The following SKA2 variants were observed in gnomAD, a reference collection of about 807,000 sequenced individuals.
The protein encoded by SKA2 is spindle and kinetochore associated complex subunit 2, also known as spindle and kinetochore-associated protein 2.
In SKA2, 13 loss-of-function variants were observed where a neutral mutation model predicts 16.9. The observed-to-expected ratio is 0.77, with a 90% CI of 0.50 to 1.22. The LOEUF is 1.22. Ranked by LOEUF, SKA2 falls within the 50% of genes most tolerant of loss-of-function variation. The pLI is 0.00. For missense variants in SKA2, 107 were observed against 139.7 expected (o/e 0.77, Z 1.18); for synonymous variants, 47 against 48.5 (o/e 0.97, Z 0.13).
intron 2 of SKA2, among the ~76,000 whole-genome samples, chr17:59,129,020 A>C (rs953217568): frequency 3.9e-5 from 6 of 152,206 alleles, no homozygotes; most frequent in Non-Finnish European, 1.5e-5. Flanking sequence ...AAATGGGAGC[A>C]CTACACGTCA....
intron 2 of SKA2, among the ~76,000 whole-genome samples, chr17:59,123,683 G>T (rs2046352755): frequency 6.6e-6 from 1 of 152,046 alleles, no homozygotes; most frequent in Non-Finnish European, 1.5e-5. Flanking sequence ...CAAGTAGCTG[G>T]GACTACAAGT....
At chr17:59,132,547 C>G (rs1237992559) in intron 1 of SKA2, among the ~76,000 whole-genome samples, 1 of 152,108 alleles carries the variant, frequency 6.6e-6, no homozygotes. Flanking sequence ...GCCTGTGGTC[C>G]CAGCTATTTG....
intron 2 of SKA2, among the ~76,000 whole-genome samples, chr17:59,124,000 A>G (rs529938028): frequency 6.6e-6 from 1 of 152,306 alleles, no homozygotes; most frequent in Non-Finnish European, 1.5e-5. Flanking sequence ...AAGGAAAACT[A>G]TTTAGAAATA....
chr17:59,124,866 T>C (rs1205180961), intron 2 of SKA2, among the ~76,000 whole-genome samples: 1 of 152,188 alleles, frequency 6.6e-6, no homozygotes, highest in African/African-American at 2.4e-5. Context: ...GGCCTGTTTA[T>C]GACAGGTTAG....
At position 59,119,917 on chromosome 17, in the gene SKA2, T is replaced by C. The variant is rs185593527; in HGVS notation, c.121-422A>G. ...TTGAAACTACTTATAAAAATCTTTT[T>C]TTTTTTTTTGAGATGGAGTCTCACT... On this transcript the variant is annotated intron_variant, in intron 2 of 3. Coordinates refer to ENST00000330137, the MANE Select transcript of SKA2 (RefSeq NM_182620.4). Among the ~76,000 whole-genome samples, 207 of 152,138 alleles carry C rather than the reference T, an allele frequency of 1.4e-3. 1 individual carries two copies. The highest frequency in any genetic ancestry group is 2.6e-3 in the Non-Finnish European group (180 of 67,970).
intron 3 of SKA2, among the ~76,000 whole-genome samples, chr17:59,116,654 T>C (rs1239492338): frequency 2.0e-5 from 3 of 152,084 alleles, no homozygotes; most frequent in East Asian, 1.9e-4. Context: ...TGAACAGATA[T>C]ACATTCTGTT....
At chr17:59,143,103 T>C (rs1484880452) in intron 1 of SKA2, among the ~76,000 whole-genome samples, 2 of 152,066 alleles carry the variant, frequency 1.3e-5, no homozygotes, top group African/African-American at 2.4e-5. Flanking sequence ...GTCTCTCTTA[T>C]TTATGGTATC....
intron 3 of SKA2, among the ~76,000 whole-genome samples, chr17:59,117,347 C>T (rs1296882007): frequency 6.6e-6 from 1 of 152,032 alleles, no homozygotes; most frequent in Non-Finnish European, 1.5e-5. Flanking sequence ...GATTAAGTTT[C>T]ATATCTGTAT....
Position 59,112,163 on chromosome 17 carries a change from A to C in SKA2, c.*114T>G. 1.3e-6 allele frequency: 1 copy of C among 766,786 alleles called. No homozygotes were observed. Among genetic ancestry groups the C allele is most frequent in the East Asian group, 2.5e-5 (1 of 39,280 alleles). The allele number at this position is 766,786 out of a possible 1,614,324, so 47.5% of individuals were successfully genotyped here. On this transcript the variant is annotated 3_prime_UTR_variant, in exon 4 of 4. Coordinates refer to ENST00000330137, the MANE Select transcript of SKA2 (RefSeq NM_182620.4). ...TATCATTATCCAGTCATTGAAGCCA[A>C]ACCCCCTTCACCAGCCCCCAATCTC... is the stretch of plus-strand genomic sequence containing the variant.
intron 1 of SKA2, among the ~76,000 whole-genome samples, chr17:59,144,308 G>A (rs1348539654): frequency 6.6e-6 from 1 of 151,586 alleles, no homozygotes. Flanking sequence ...GTCCACTGTT[G>A]GTGGAAATGT....
chr17:59,150,351 C>T (rs1447396820), intron 1 of SKA2, among the ~76,000 whole-genome samples: 1 of 152,166 alleles, frequency 6.6e-6, no homozygotes, highest in Non-Finnish European at 1.5e-5. Context: ...TGAATCCACA[C>T]TATTGTATCT....
At chr17:59,128,609 G>C (rs2147804073) in intron 2 of SKA2, among the ~76,000 whole-genome samples, 1 of 148,492 alleles carries the variant, frequency 6.7e-6, no homozygotes, top group Admixed American at 6.8e-5. Context: ...CTGGGTGACA[G>C]AGCGAGACTC....
intron 2 of SKA2, among the ~76,000 whole-genome samples, chr17:59,120,858 A>G (rs1041952462): frequency 8.5e-5 from 13 of 152,154 alleles, no homozygotes; most frequent in Non-Finnish European, 1.3e-4. Context: ...ACCACTCATC[A>G]AACAAAGGGT....
chr17:59,130,876 T>C, intron 2 of SKA2, among the ~76,000 whole-genome samples: 1 of 152,262 alleles, frequency 6.6e-6, no homozygotes, highest in South Asian at 2.1e-4. Context: ...GAAATCACTA[T>C]TCATAAAATA....
chr17:59,124,675 A>C (rs1599663275), intron 2 of SKA2, among the ~76,000 whole-genome samples: 3 of 152,178 alleles, frequency 2.0e-5, no homozygotes, highest in African/African-American at 7.2e-5. Context: ...ATCCTTGAGG[A>C]TCTCACAAAA....
chr17:59,120,826 C>A (rs2046327367), intron 2 of SKA2, among the ~76,000 whole-genome samples: 1 of 152,074 alleles, frequency 6.6e-6, no homozygotes, highest in African/African-American at 2.4e-5. Flanking sequence ...AATCTCCAAT[C>A]TAGAATCCTA....
chr17:59,140,882 CA>C (rs2046483525), intron 1 of SKA2, among the ~76,000 whole-genome samples: 1 of 151,568 alleles, frequency 6.6e-6, no homozygotes, highest in Admixed American at 6.6e-5. Flanking sequence ...CTCAGCATCC[CA>C]AAGTGCTGGG....
intron 1 of SKA2, among the ~76,000 whole-genome samples, chr17:59,139,195 A>AGACCATCCTGGCTAACACG (rs2046468766): frequency 6.6e-6 from 1 of 152,050 alleles, no homozygotes; most frequent in Non-Finnish European, 1.5e-5. Context: ...CAGGAGATTG[A>AGACCATCCTGGCTAACACG]GACCATCCTG....
At chr17:59,143,467 C>T (rs1223489062) in intron 1 of SKA2, among the ~76,000 whole-genome samples, 7 of 152,194 alleles carry the variant, frequency 4.6e-5, no homozygotes, top group East Asian at 1.9e-4. Flanking sequence ...CTGCAACCTC[C>T]GCTTCTGGGG....
Sources: gnomAD v4.1 joint callset for allele counts (sites outside exome capture counted in the v4.1 genomes callset) on GRCh38, gnomAD v4.1.1 for gene constraint, MANE v1.5 for transcripts, NCBI Gene and HGNC (gene_info 2026-07-23, HGNC 2026-07-21) for gene names.